Variants in RBFOX1 observed in about 807,000 individuals in gnomAD.
The protein encoded by RBFOX1 is RNA binding protein fox-1 homolog 1.
RBFOX1 carries 8 observed loss-of-function variants against 57.7 expected under a neutral mutation model. The ratio of observed to expected loss-of-function variants is 0.14; its 90% confidence interval spans 0.08 to 0.25. RBFOX1 has a LOEUF of 0.25. Among genes scored for constraint, RBFOX1 ranks in the 10% least tolerant of loss-of-function variants. The pLI, the probability that RBFOX1 is intolerant of heterozygous loss-of-function variation, is 1.00. For missense variants in RBFOX1, 611 were observed against 548.5 expected, an observed-to-expected ratio of 1.11 and a Z score of -1.14; for synonymous variants, 326 against 222.4, an observed-to-expected ratio of 1.47 and a Z score of -4.15.
intron 4 of RBFOX1, among the ~76,000 whole-genome samples, chr16:7,293,270 G>A (rs1412041784): frequency 1.3e-5 from 2 of 152,144 alleles, no homozygotes; most frequent in Non-Finnish European, 2.9e-5. Context: ...AATTTGCATT[G>A]TATTAGTAAA....
chr16:6,959,773 C>T (rs562570228), intron 3 of RBFOX1, among the ~76,000 whole-genome samples: 5 of 152,010 alleles, frequency 3.3e-5, no homozygotes, highest in African/African-American at 1.2e-4. Flanking sequence ...CCCGTTTCTA[C>T]CAAAAGTACA....
Position 5,581,393 on chromosome 16 carries a change from G to T in RBFOX1, c.259-17509G>T, listed in dbSNP as rs1165991100. Reference sequence around the variant, plus strand: ...TTTTGTCCAATACCTATGTGTGTCAGTGGGGCTGTGCTTGGTTCCTGGAGG... The same window carrying T: ...TTTTGTCCAATACCTATGTGTGTCATTGGGGCTGTGCTTGGTTCCTGGAGG... On this transcript the variant is annotated intron_variant, in intron 2 of 2. Transcript: ENST00000585867. Among the ~76,000 whole-genome samples the T allele has an allele frequency of 2.6e-5, 4 of 152,376 alleles. No homozygotes were observed. The East Asian group carries it at 5.8e-4, about 22-fold the overall frequency.
chr16:7,603,628 G>A (rs2095151222), intron 9 of RBFOX1, among the ~76,000 whole-genome samples: 1 of 152,150 alleles, frequency 6.6e-6, no homozygotes. Context: ...TCTCCAAGAA[G>A]AAGGAGAAGT....
At chr16:6,457,718 T>G (rs2094811958) in intron 2 of RBFOX1, among the ~76,000 whole-genome samples, 1 of 152,198 alleles carries the variant, frequency 6.6e-6, no homozygotes, top group Non-Finnish European at 1.5e-5. Context: ...CTAGGATGAA[T>G]GATAATGTGG....
chr16:6,392,681 A>T (rs1024291394), intron 2 of RBFOX1, among the ~76,000 whole-genome samples: 1 of 152,204 alleles, frequency 6.6e-6, no homozygotes, highest in South Asian at 2.1e-4. Flanking sequence ...GCCTCAGAGT[A>T]GATGTTGTTC....
At chr16:6,920,431 C>G (rs973065407) in intron 3 of RBFOX1, among the ~76,000 whole-genome samples, 2 of 152,142 alleles carry the variant, frequency 1.3e-5, no homozygotes, top group South Asian at 2.1e-4. Flanking sequence ...TTATAAATGG[C>G]TTGTTTAAGT....
At chr16:6,129,454 C>G (rs12929124) in intron 1 of RBFOX1, among the ~76,000 whole-genome samples, 1 of 151,840 alleles carries the variant, frequency 6.6e-6, no homozygotes, top group Admixed American at 6.6e-5. Flanking sequence ...GAAGACAGAA[C>G]AGAAAATTAT....
chr16:7,508,526 G>T (rs888841681), intron 4 of RBFOX1, among the ~76,000 whole-genome samples: 5 of 152,032 alleles, frequency 3.3e-5, no homozygotes, highest in South Asian at 4.2e-4. Context: ...GAGGGGAGCT[G>T]ACACATCCTT....
At chr16:7,419,184 A>G (rs34269025) in intron 4 of RBFOX1, among the ~76,000 whole-genome samples, 46,756 of 152,032 alleles carry the variant, frequency 0.31, 8,724 homozygotes, top group Non-Finnish European at 0.42. Flanking sequence ...CTGGGATTAC[A>G]AGCGTGAGCA....
At chr16:7,044,711 A>G (rs959558405) in intron 3 of RBFOX1, among the ~76,000 whole-genome samples, 2 of 117,402 alleles carry the variant, frequency 1.7e-5, no homozygotes, top group African/African-American at 4.6e-5. Context: ...GAAAAAAAAT[A>G]TCACATGTTA....
At position 6,247,708 on chromosome 16, in the gene RBFOX1, G is replaced by A. The variant is rs146160947; in HGVS notation, c.-126-69287G>A. Among the ~76,000 whole-genome samples the A allele has an allele frequency of 3.5e-4, 53 of 152,328 alleles. No individual in the cohort carries two copies. The East Asian group carries it at 9.5e-3, about 27-fold the overall frequency. On this transcript the variant is annotated intron_variant, in intron 1 of 15. Coordinates refer to ENST00000550418, the MANE Select transcript of RBFOX1 (RefSeq NM_018723.4). ...TGCCAAAGTCATGTAGCAAAAACTT[G>A]TCAAAGCTAGGATTCAAACTCAGAT...
intron 3 of RBFOX1, among the ~76,000 whole-genome samples, chr16:6,911,132 T>C (rs1596974513): frequency 6.8e-6 from 1 of 147,360 alleles, no homozygotes; most frequent in South Asian, 2.1e-4. Context: ...ACCTGGGAAG[T>C]GGAAGTTGGA....
intron 2 of RBFOX1, among the ~76,000 whole-genome samples, chr16:6,425,072 A>C (rs2152994869): frequency 6.6e-6 from 1 of 152,302 alleles, no homozygotes; most frequent in African/African-American, 2.4e-5. Flanking sequence ...GCAGATTTCC[A>C]CAAATAATTT....
At chr16:7,416,028 A>T (rs1029697643) in intron 4 of RBFOX1, among the ~76,000 whole-genome samples, 1 of 152,064 alleles carries the variant, frequency 6.6e-6, no homozygotes, top group African/African-American at 2.4e-5. Flanking sequence ...CTCCTCTTTG[A>T]CATGCAGAGT....
chr16:6,054,446 T>A (rs2095589743), intron 1 of RBFOX1, among the ~76,000 whole-genome samples: 1 of 152,190 alleles, frequency 6.6e-6, no homozygotes, highest in Non-Finnish European at 1.5e-5. Flanking sequence ...CAGCGTCAGG[T>A]TTCCTGTCTT....
intron 4 of RBFOX1, among the ~76,000 whole-genome samples, chr16:7,134,915 G>A (rs750051475): frequency 3.3e-5 from 5 of 151,384 alleles, no homozygotes; most frequent in East Asian, 1.9e-4. Context: ...GGTGGTTGCC[G>A]TTGAATTTAT....
chr16:6,263,773 T>C (rs1375237637), intron 1 of RBFOX1, among the ~76,000 whole-genome samples: 3 of 152,212 alleles, frequency 2.0e-5, no homozygotes, highest in Non-Finnish European at 4.4e-5. Context: ...GTTTTTTAAA[T>C]ATCTTGATGT....
intron 3 of RBFOX1, among the ~76,000 whole-genome samples, chr16:6,825,826 C>G (rs774182700): frequency 6.6e-6 from 1 of 152,188 alleles, no homozygotes; most frequent in African/African-American, 2.4e-5. Context: ...TGCACAGGAA[C>G]TTGCATCTTC....
intron 2 of RBFOX1, among the ~76,000 whole-genome samples, chr16:5,505,726 G>A (rs2043355500): frequency 1.3e-5 from 2 of 152,158 alleles, no homozygotes; most frequent in Non-Finnish European, 2.9e-5. Flanking sequence ...CAGGAAGCGG[G>A]AGAGGGAAGA....
Sources: gnomAD v4.1 joint callset for allele counts (sites outside exome capture counted in the v4.1 genomes callset) on GRCh38, gnomAD v4.1.1 for gene constraint, MANE v1.5 for transcripts, NCBI Gene and HGNC (gene_info 2026-07-23, HGNC 2026-07-21) for gene names.